Variants in SH3D19 observed in about 807,000 individuals in gnomAD.
The protein encoded by SH3D19 is SH3 domain containing 19.
Under a neutral mutation model 112.1 loss-of-function variants are expected in SH3D19, and 58 were observed. The observed-to-expected ratio is 0.52, with a 90% CI of 0.42 to 0.64. The LOEUF is 0.64. Ranked by LOEUF, SH3D19 falls within the 30% of genes least tolerant of loss-of-function variation. SH3D19 has a pLI of 0.00. For missense variants in SH3D19, 1,090 were observed against 1,263.4 expected (o/e 0.86, Z 2.08); for synonymous variants, 391 against 448.5 (o/e 0.87, Z 1.62).
chr4:151,154,336 G>A (rs968588424), intron 9 of SH3D19, among the ~76,000 whole-genome samples: 1 of 150,690 alleles, frequency 6.6e-6, no homozygotes, highest in African/African-American at 2.5e-5. Context: ...GTTTCTCCAT[G>A]TTGGTCAGGC....
chr4:151,232,226 G>C (rs185545724), intron 1 of SH3D19, among the ~76,000 whole-genome samples: 2 of 152,214 alleles, frequency 1.3e-5, no homozygotes, highest in Admixed American at 1.3e-4. Flanking sequence ...ACTATCTCTG[G>C]AATGTTTTCT....
At chr4:151,282,129 T>G in intron 1 of SH3D19, 1 of 1,611,990 alleles carries the variant, frequency 6.2e-7, no homozygotes. Flanking sequence ...TAAGCAGGCC[T>G]CCTTTCTTTT....
chr4:151,158,868 A>G (rs1756649795), intron 9 of SH3D19, among the ~76,000 whole-genome samples: 2 of 152,096 alleles, frequency 1.3e-5, no homozygotes, highest in Admixed American at 6.6e-5. Flanking sequence ...ATTATCTTAA[A>G]TTTTGGTCAC....
chr4:151,175,750 A>G, intron 6 of SH3D19, 76 bp from the exon 7 acceptor site: 1 of 1,201,808 alleles, frequency 8.3e-7, no homozygotes, highest in South Asian at 4.3e-5. Context: ...AAAAAATAGA[A>G]GATACACAGA....
At chr4:151,266,569 G>A (rs767262120) in intron 1 of SH3D19, among the ~76,000 whole-genome samples, 27 of 152,204 alleles carry the variant, frequency 1.8e-4, no homozygotes, top group Non-Finnish European at 3.2e-4. Context: ...AGCCCTTAGT[G>A]AGAATAAATA....
At chr4:151,152,516 CTTTTT>C (rs1177292502) in intron 9 of SH3D19, among the ~76,000 whole-genome samples, 1 of 127,276 alleles carries the variant, frequency 7.9e-6, no homozygotes, top group Non-Finnish European at 1.6e-5. Context: ...CTCTCTCTCT[CTTTTT>C]TTTTTTTTTT....
chr4:151,234,787 A>G (rs979271700), intron 1 of SH3D19, among the ~76,000 whole-genome samples: 1 of 116,974 alleles, frequency 8.5e-6, no homozygotes, highest in Non-Finnish European at 1.6e-5. Context: ...TCACTCCGTC[A>G]CTCAGGCTGG....
intron 1 of SH3D19, among the ~76,000 whole-genome samples, chr4:151,271,692 A>T (rs1773237148): frequency 6.6e-6 from 1 of 152,224 alleles, no homozygotes; most frequent in South Asian, 2.1e-4. Flanking sequence ...TCACCAAGAT[A>T]AACTGTTTGG....
chr4:151,272,135 C>T lies in SH3D19; in HGVS notation c.113-46049G>A, dbSNP rs146185314. 3.0e-4 allele frequency among the ~76,000 whole-genome samples: 46 copies of T among 152,200 alleles called. No homozygotes were observed. In the East Asian group the frequency reaches 5.8e-3, roughly 19 times the overall value. On this transcript the variant is annotated intron_variant, in intron 1 of 19. Transcript: ENST00000604030. ...GCAGATCCAACATGTTTCTTGATTACTGAATAAAAAGGAAGAAACTATTTA... is the reference window on the plus strand; with the variant it reads ...GCAGATCCAACATGTTTCTTGATTATTGAATAAAAAGGAAGAAACTATTTA...
chr4:151,130,627 G>C (rs989452671), intron 17 of SH3D19, among the ~76,000 whole-genome samples: 1 of 151,988 alleles, frequency 6.6e-6, no homozygotes, highest in Non-Finnish European at 1.5e-5. Context: ...CTAAATATTT[G>C]GAAAGTTGAG....
chr4:151,143,691 C>A (rs1753419779), intron 12 of SH3D19, among the ~76,000 whole-genome samples: 2 of 151,276 alleles, frequency 1.3e-5, no homozygotes, highest in Non-Finnish European at 2.9e-5. Flanking sequence ...GTGAAGAAAA[C>A]AAAACACAGG....
intron 1 of SH3D19, among the ~76,000 whole-genome samples, chr4:151,273,214 A>G (rs1255178406): frequency 6.6e-6 from 1 of 152,134 alleles, no homozygotes; most frequent in Non-Finnish European, 1.5e-5. Flanking sequence ...ACATTTAAAC[A>G]AAGGAGAGGA....
At chr4:151,250,260 A>C (rs1771259522) in intron 1 of SH3D19, among the ~76,000 whole-genome samples, 1 of 152,224 alleles carries the variant, frequency 6.6e-6, no homozygotes, top group Admixed American at 6.5e-5. Flanking sequence ...GCATGATTTT[A>C]ATGTTAGGTT....
chr4:151,232,849 C>T (rs1406888582), intron 1 of SH3D19, among the ~76,000 whole-genome samples: 1 of 151,700 alleles, frequency 6.6e-6, no homozygotes, highest in Non-Finnish European at 1.5e-5. Flanking sequence ...CAGCTTAAGA[C>T]AACAAAAATG....
intron 11 of SH3D19, 48 bp from the exon 12 acceptor site, chr4:151,144,098 C>T: frequency 6.3e-7 from 1 of 1,589,684 alleles, no homozygotes; most frequent in South Asian, 1.1e-5. Flanking sequence ...TTTAATAAAA[C>T]ATTATTACTT....
chr4:151,191,896 C>T (rs554035126), intron 2 of SH3D19, among the ~76,000 whole-genome samples: 6 of 150,704 alleles, frequency 4.0e-5, no homozygotes, highest in East Asian at 2.0e-4. Flanking sequence ...CTTCCCACCT[C>T]GGCCTCCCAA....
At chr4:151,305,815 C>A (rs1029965806) in intron 1 of SH3D19, among the ~76,000 whole-genome samples, 2 of 152,152 alleles carry the variant, frequency 1.3e-5, no homozygotes, top group Non-Finnish European at 2.9e-5. Flanking sequence ...TCCAGCAAAC[C>A]TGTACACAAA....
intron 1 of SH3D19, chr4:151,279,739 G>A: frequency 4.6e-6 from 7 of 1,519,776 alleles, no homozygotes; most frequent in Non-Finnish European, 5.5e-6. Flanking sequence ...GATAAGGTGG[G>A]GACCAGAGAA....
At chr4:151,280,935 T>C (rs1561426927) in intron 1 of SH3D19, among the ~76,000 whole-genome samples, 1 of 152,080 alleles carries the variant, frequency 6.6e-6, no homozygotes, top group Non-Finnish European at 1.5e-5. Flanking sequence ...CATTTTCACA[T>C]ACACAAAGCA....
Sources: allele counts gnomAD v4.1 joint callset (sites outside exome capture counted in the v4.1 genomes callset), GRCh38; gene constraint gnomAD v4.1.1; transcripts MANE v1.5; gene names NCBI Gene and HGNC (gene_info 2026-07-23, HGNC 2026-07-21).